The following GYPC variants were observed in gnomAD, a reference collection of about 807,000 sequenced individuals.
The protein encoded by GYPC is glycophorin-C.
GYPC carries 14 observed loss-of-function variants against 12.6 expected under a neutral mutation model. That is an observed-to-expected ratio of 1.11 (90% CI 0.74 to 1.74). GYPC has a LOEUF of 1.74. Ranked by LOEUF, GYPC falls within the 40% of genes most tolerant of loss-of-function variation. The pLI, the probability that GYPC is intolerant of heterozygous loss-of-function variation, is 0.00. For missense variants in GYPC, 225 were observed against 172.1 expected (o/e 1.31, Z -1.72); for synonymous variants, 78 against 62.1 (o/e 1.26, Z -1.20).
intron 1 of GYPC, among the ~76,000 whole-genome samples, chr2:126,661,666 G>C (rs1682540741): frequency 6.6e-6 from 1 of 152,072 alleles, no homozygotes; most frequent in Non-Finnish European, 1.5e-5. Flanking sequence ...TGGTCAGGCT[G>C]GTCTCGAACT....
At chr2:126,691,580 GCA>G (rs1033997502) in intron 2 of GYPC, among the ~76,000 whole-genome samples, 13 of 152,084 alleles carry the variant, frequency 8.5e-5, no homozygotes, top group African/African-American at 3.1e-4. Context: ...CCTGCCCCAA[GCA>G]CAGTTAATAG....
chr2:126,665,430 G>C (rs13028641), intron 1 of GYPC, among the ~76,000 whole-genome samples: 13,807 of 152,284 alleles, frequency 0.091, 698 homozygotes, highest in Middle Eastern at 0.16. Flanking sequence ...TCGTATCTCT[G>C]GTTTCAGGCA....
intron 1 of GYPC, among the ~76,000 whole-genome samples, chr2:126,687,981 A>C (rs1045180541): frequency 6.6e-6 from 1 of 152,210 alleles, no homozygotes; most frequent in Non-Finnish European, 1.5e-5. Flanking sequence ...CAGGGCTTCA[A>C]ATGATTGACT....
At chr2:126,677,543 ATGTGAGTGTGTGTATGTGAGTGTATGTG>A (rs1683038728) in intron 1 of GYPC, among the ~76,000 whole-genome samples, 1 of 136,006 alleles carries the variant, frequency 7.4e-6, no homozygotes, top group African/African-American at 3.2e-5. Context: ...GTCTGTGTGT[ATGTGAGTGTGTGTATGTGAGTGTATGTG>A]TGTGAGTGTG....
intron 2 of GYPC, among the ~76,000 whole-genome samples, chr2:126,692,164 C>T (rs1243417229): frequency 5.3e-5 from 8 of 152,116 alleles, no homozygotes; most frequent in East Asian, 1.9e-4. Context: ...TGAGAAACAC[C>T]GTGAATGCTG....
intron 1 of GYPC, among the ~76,000 whole-genome samples, chr2:126,662,048 C>T (rs1007521626): frequency 3.9e-5 from 6 of 152,348 alleles, no homozygotes; most frequent in Non-Finnish European, 7.3e-5. Flanking sequence ...GGCATTTTTA[C>T]GAGGGGCTCA....
chr2:126,677,963 T>A (rs1683052890), intron 1 of GYPC, among the ~76,000 whole-genome samples: 1 of 152,244 alleles, frequency 6.6e-6, no homozygotes, highest in South Asian at 2.1e-4. Flanking sequence ...GGCTCACGCC[T>A]GTAATCCCAG....
intron 1 of GYPC, among the ~76,000 whole-genome samples, chr2:126,661,529 T>G (rs28387096): frequency 6.6e-6 from 1 of 151,198 alleles, no homozygotes; most frequent in Non-Finnish European, 1.5e-5. Flanking sequence ...CTTGGCTCAC[T>G]GCAACCTGCG....
Position 126,696,201 on chromosome 2 carries a change from C to A in GYPC, c.*59C>A. On this transcript the variant is annotated 3_prime_UTR_variant, in exon 4 of 4. Coordinates refer to ENST00000259254, the MANE Select transcript of GYPC (RefSeq NM_002101.5). ...CCCATCTCCATCAGGAAAAATACAC[C>A]CCATCGCCCAGCACCCCTGCTGATA... 8.1e-7 allele frequency: 1 copy of A among 1,240,280 alleles called. No individual in the cohort carries two copies. Among genetic ancestry groups the A allele is most frequent in the Non-Finnish European group, 1.2e-6 (1 of 851,456 alleles). The allele number at this position is 1,240,280 out of a possible 1,614,324, so 76.8% of individuals were successfully genotyped here.
chr2:126,660,715 C>CA (rs1682511071), intron 1 of GYPC, among the ~76,000 whole-genome samples: 2 of 152,138 alleles, frequency 1.3e-5, no homozygotes, highest in African/African-American at 4.8e-5. Context: ...CATTCCAATA[C>CA]CAAAAGAGCC....
At chr2:126,685,378 TTTTC>T (rs1253026854) in intron 1 of GYPC, among the ~76,000 whole-genome samples, 1 of 147,214 alleles carries the variant, frequency 6.8e-6, no homozygotes, top group African/African-American at 2.5e-5. Context: ...TTAAATTGAC[TTTTC>T]TTTCTTTCTT....
intron 1 of GYPC, chr2:126,686,659 G>GC: frequency 1.0e-6 from 1 of 977,038 alleles, no homozygotes; most frequent in African/African-American, 1.9e-5. Flanking sequence ...GGGTGTTGCA[G>GC]GGGGCCGGGG....
intron 1 of GYPC, among the ~76,000 whole-genome samples, chr2:126,659,701 G>C (rs905279356): frequency 1.3e-5 from 2 of 152,050 alleles, no homozygotes; most frequent in African/African-American, 2.4e-5. Flanking sequence ...CTTAGATGCC[G>C]AGCCCTGGTA....
chr2:126,689,539 A>C (rs1683393410), intron 1 of GYPC, among the ~76,000 whole-genome samples: 1 of 150,714 alleles, frequency 6.6e-6, no homozygotes, highest in Admixed American at 6.6e-5. Flanking sequence ...ACAGGGGCAG[A>C]TCCCTCATGC....
chr2:126,665,298 G>T (rs887675357), intron 1 of GYPC, among the ~76,000 whole-genome samples: 1 of 152,148 alleles, frequency 6.6e-6, no homozygotes. Flanking sequence ...TATAGAGTAC[G>T]TTGTTACAAT....
intron 1 of GYPC, among the ~76,000 whole-genome samples, chr2:126,672,897 A>G (rs568500252): frequency 2.6e-5 from 4 of 152,246 alleles, no homozygotes; most frequent in African/African-American, 9.6e-5. Context: ...CTCTGAAATC[A>G]GAGAGGCAGA....
At chr2:126,676,373 C>T (rs1375409318) in intron 1 of GYPC, among the ~76,000 whole-genome samples, 1 of 152,348 alleles carries the variant, frequency 6.6e-6, no homozygotes, top group East Asian at 1.9e-4. Flanking sequence ...CAGGACTGGG[C>T]CAATTCACCC....
chr2:126,690,312 G>A lies in GYPC; in HGVS notation c.106+1G>A, dbSNP rs1683422466. On this transcript the variant is annotated splice_donor_variant, in intron 2 of 3. Transcript: ENST00000259254. LOFTEE classifies it high-confidence loss of function. ...ACAATGCATACTACCACCATTGCAGGTGAGTTCTCATCACAGAGCCTCACC... is the reference window on the plus strand; with the variant it reads ...ACAATGCATACTACCACCATTGCAGATGAGTTCTCATCACAGAGCCTCACC... 1.9e-6 allele frequency: 3 copies of A among 1,606,684 alleles called. No individual in the cohort carries two copies. Among genetic ancestry groups the A allele is most frequent in the South Asian group, 2.2e-5 (2 of 90,944 alleles).
At chr2:126,662,435 G>A (rs1242916888) in intron 1 of GYPC, among the ~76,000 whole-genome samples, 1 of 152,138 alleles carries the variant, frequency 6.6e-6, no homozygotes, top group Non-Finnish European at 1.5e-5. Context: ...TAGACTTTGT[G>A]TCAATTTGCT....
Sources: gnomAD v4.1 joint callset for allele counts (sites outside exome capture counted in the v4.1 genomes callset) on GRCh38, gnomAD v4.1.1 for gene constraint, MANE v1.5 for transcripts, NCBI Gene and HGNC (gene_info 2026-07-23, HGNC 2026-07-21) for gene names.